Variants in GRM8 observed in about 807,000 individuals in gnomAD.
GRM8 encodes metabotropic glutamate receptor 8.
Under a neutral mutation model 87.2 loss-of-function variants are expected in GRM8, and 47 were observed. The ratio of observed to expected loss-of-function variants is 0.54; its 90% CI spans 0.43 to 0.69. The LOEUF is 0.69. Ranked by LOEUF, GRM8 falls within the 30% of genes least tolerant of loss-of-function variation. GRM8 has a pLI of 0.00. For synonymous variants in GRM8, 396 were observed against 404.5 expected, an observed-to-expected ratio of 0.98 and a Z score of 0.25; for missense variants, 1,019 against 1,139.2, an observed-to-expected ratio of 0.89 and a Z score of 1.52.
chr7:126,942,835 A>G (rs1381871113), intron 3 of GRM8, among the ~76,000 whole-genome samples: 1 of 152,154 alleles, frequency 6.6e-6, no homozygotes, highest in Non-Finnish European at 1.5e-5. Flanking sequence ...ACTCATGAGA[A>G]CTGGTCATTA....
intron 3 of GRM8, among the ~76,000 whole-genome samples, chr7:127,072,565 T>G (rs1821806880): frequency 6.6e-6 from 1 of 152,202 alleles, no homozygotes; most frequent in Non-Finnish European, 1.5e-5. Flanking sequence ...TCTTCCACTG[T>G]TTCATGAGAA....
chr7:126,855,094 G>T (rs1289436236), intron 6 of GRM8, among the ~76,000 whole-genome samples: 1 of 152,100 alleles, frequency 6.6e-6, no homozygotes, highest in Non-Finnish European at 1.5e-5. Context: ...ATTACCTTAA[G>T]AATATTTTCT....
At chr7:126,441,540 C>A (rs1801464775) in intron 10 of GRM8, among the ~76,000 whole-genome samples, 1 of 151,918 alleles carries the variant, frequency 6.6e-6, no homozygotes, top group South Asian at 2.1e-4. Context: ...AATGAATAAT[C>A]GTAAGATAAA....
At chr7:126,926,739 T>C (rs950442831) in intron 3 of GRM8, among the ~76,000 whole-genome samples, 2 of 152,246 alleles carry the variant, frequency 1.3e-5, no homozygotes, top group African/African-American at 4.8e-5. Context: ...ACTAATTTCA[T>C]GCTCTTACAA....
intron 6 of GRM8, among the ~76,000 whole-genome samples, chr7:126,879,976 T>TA (rs1169973377): frequency 1.3e-5 from 2 of 152,140 alleles, no homozygotes; most frequent in Non-Finnish European, 2.9e-5. Flanking sequence ...AAAAGGTGTC[T>TA]AAAAAAATAA....
intron 7 of GRM8, among the ~76,000 whole-genome samples, chr7:126,632,497 A>T (rs1801434458): frequency 6.6e-6 from 1 of 152,210 alleles, no homozygotes; most frequent in African/African-American, 2.4e-5. Flanking sequence ...ATTTAAAACC[A>T]GAAATACCAT....
intron 2 of GRM8, among the ~76,000 whole-genome samples, chr7:127,156,748 C>T (rs1792756694): frequency 6.6e-6 from 1 of 151,506 alleles, no homozygotes; most frequent in South Asian, 2.1e-4. Flanking sequence ...AACGAGAAAT[C>T]GAGAAGTTAA....
At chr7:126,616,519 T>C (rs1799509450) in intron 7 of GRM8, among the ~76,000 whole-genome samples, 1 of 151,862 alleles carries the variant, frequency 6.6e-6, no homozygotes, top group Non-Finnish European at 1.5e-5. Context: ...AAGAAATAAC[T>C]AAGATCAGAG....
At chr7:126,610,241 T>C (rs1430674569) in intron 7 of GRM8, among the ~76,000 whole-genome samples, 1 of 152,248 alleles carries the variant, frequency 6.6e-6, no homozygotes, top group African/African-American at 2.4e-5. Context: ...TTAACTTTTA[T>C]GTAATTACAG....
At chr7:127,146,380 G>T (rs1828555843) in intron 2 of GRM8, among the ~76,000 whole-genome samples, 1 of 151,934 alleles carries the variant, frequency 6.6e-6, no homozygotes, top group African/African-American at 2.4e-5. Context: ...GAAAACTGTG[G>T]TTCCCAGAGC....
intron 7 of GRM8, among the ~76,000 whole-genome samples, chr7:126,691,343 G>C (rs984554876): frequency 4.6e-5 from 7 of 152,204 alleles, no homozygotes; most frequent in African/African-American, 1.4e-4. Context: ...CACCGGGAGT[G>C]GGGAGAGGCC....
chr7:126,816,644 T>C (rs980046185), intron 6 of GRM8, among the ~76,000 whole-genome samples: 1 of 151,978 alleles, frequency 6.6e-6, no homozygotes, highest in East Asian at 1.9e-4. Flanking sequence ...ATGATGATGA[T>C]GATGGTTTCT....
In GRM8 at chr7:126,989,950, C is replaced by CAA. The variant is rs11440450; in HGVS notation, c.728-85269_728-85268dup. Among the ~76,000 whole-genome samples the CAA allele has an allele frequency of 3.4e-5, 5 of 147,068 alleles. No homozygotes were observed. In the East Asian group the frequency reaches 7.9e-4, roughly 23 times the overall value. The stretch of plus-strand genomic sequence containing the variant: ...TGGGTGACAGAGCAAGACCCTGACT[C>CAA]AAAAAAAAAATGGGGGATAGGAAGG... On this transcript the variant is annotated intron_variant, in intron 3 of 10. Coordinates refer to ENST00000339582, the MANE Select transcript of GRM8 (RefSeq NM_000845.3).
intron 6 of GRM8, among the ~76,000 whole-genome samples, chr7:126,899,888 C>T (rs1801899391): frequency 6.6e-6 from 1 of 152,036 alleles, no homozygotes; most frequent in Non-Finnish European, 1.5e-5. Context: ...TCTCTCTCAA[C>T]CCCTCTAATT....
intron 9 of GRM8, among the ~76,000 whole-genome samples, chr7:126,505,368 T>C (rs542674899): frequency 2.8e-4 from 43 of 152,178 alleles, no homozygotes; most frequent in Admixed American, 2.2e-3. Flanking sequence ...TTACAGAATG[T>C]ATAAATTCAT....
chr7:126,917,166 G>T (rs543461884), intron 3 of GRM8, among the ~76,000 whole-genome samples: 1 of 152,180 alleles, frequency 6.6e-6, no homozygotes, highest in East Asian at 1.9e-4. Flanking sequence ...TGTGGAGATA[G>T]GGGTCTTGCT....
intron 7 of GRM8, among the ~76,000 whole-genome samples, chr7:126,761,989 C>A (rs1342925877): frequency 6.6e-6 from 1 of 152,132 alleles, no homozygotes; most frequent in African/African-American, 2.4e-5. Flanking sequence ...TCTATCATAT[C>A]ACTTATCAAA....
In GRM8 at chr7:126,669,694, A is replaced by G. The variant is rs1225762848; in HGVS notation, c.1358-60196T>C. 4.6e-5 allele frequency among the ~76,000 whole-genome samples: 7 copies of G among 152,250 alleles called. No homozygotes were observed. The East Asian group carries it at 9.6e-4, about 21-fold the overall frequency. ...GTTAGCACACAATTAAAGCAACTTAACAAGTTTCACCTTAAAGATAACAAT... is the reference window on the plus strand; with the variant it reads ...GTTAGCACACAATTAAAGCAACTTAGCAAGTTTCACCTTAAAGATAACAAT... On this transcript the variant is annotated intron_variant, in intron 7 of 10. Transcript: ENST00000339582.
At chr7:126,538,072 C>G (rs996188378) in intron 8 of GRM8, among the ~76,000 whole-genome samples, 32 of 152,226 alleles carry the variant, frequency 2.1e-4, no homozygotes, top group African/African-American at 7.5e-4. Context: ...AAAAAAATGG[C>G]CCATTCTTAT....
Sources: allele counts gnomAD v4.1 joint callset (sites outside exome capture counted in the v4.1 genomes callset), GRCh38; gene constraint gnomAD v4.1.1; transcripts MANE v1.5; gene names NCBI Gene and HGNC (gene_info 2026-07-23, HGNC 2026-07-21).